SGCG: variants seen among roughly 807,000 people sequenced by gnomAD.
SGCG encodes gamma-sarcoglycan.
In SGCG, 26 loss-of-function variants were observed where a neutral mutation model predicts 29.3. That is an observed-to-expected ratio of 0.89 (90% CI 0.65 to 1.23). The LOEUF is 1.23. Among genes scored for constraint, SGCG ranks in the 50% most tolerant of loss-of-function variants. SGCG has a pLI of 0.00. For synonymous variants in SGCG, 145 were observed against 129.7 expected (o/e 1.12, Z -0.80); for missense variants, 353 against 356.0 (o/e 0.99, Z 0.07).
At chr13:23,161,854 TCAGA>T in the SGCG span, among the ~76,000 whole-genome samples, 6 of 152,366 alleles carry the variant, frequency 3.9e-5, no homozygotes, top group Admixed American at 1.3e-4. Flanking sequence ...TTTTGCTGAA[TCAGA>T]CAGACACAAT....
At chr13:23,278,756 G>A (rs1433755754) in intron 4 of SGCG, among the ~76,000 whole-genome samples, 1 of 152,184 alleles carries the variant, frequency 6.6e-6, no homozygotes, top group African/African-American at 2.4e-5. Context: ...CAGGTGAAGG[G>A]CATAACCTTG....
At chr13:23,249,326 C>G (rs1042900067) in intron 3 of SGCG, among the ~76,000 whole-genome samples, 1 of 152,084 alleles carries the variant, frequency 6.6e-6, no homozygotes, top group African/African-American at 2.4e-5. Flanking sequence ...CTCTCAAGGC[C>G]CATTAACAGG....
chr13:23,226,590 T>C (rs1272160495), intron 2 of SGCG, among the ~76,000 whole-genome samples: 2 of 152,164 alleles, frequency 1.3e-5, no homozygotes, highest in Admixed American at 6.5e-5. Flanking sequence ...GTTTGTAGAA[T>C]CAACAAGCTT....
At chr13:23,274,916 A>T (rs908487437) in intron 4 of SGCG, among the ~76,000 whole-genome samples, 1 of 152,054 alleles carries the variant, frequency 6.6e-6, no homozygotes, top group Non-Finnish European at 1.5e-5. Context: ...GAATACATGT[A>T]TAATAATTTG....
At chr13:23,209,886 T>C (rs1419758249) in intron 2 of SGCG, among the ~76,000 whole-genome samples, 1 of 152,228 alleles carries the variant, frequency 6.6e-6, no homozygotes. Context: ...ATTGGAAATT[T>C]GTTACACAGA....
chr13:23,272,685 A>T (rs1219023997), intron 4 of SGCG, among the ~76,000 whole-genome samples: 2 of 152,164 alleles, frequency 1.3e-5, no homozygotes, highest in Non-Finnish European at 2.9e-5. Flanking sequence ...TTTACAGAGC[A>T]TTGTGACTAT....
intron 6 of SGCG, among the ~76,000 whole-genome samples, chr13:23,296,002 T>A (rs1024648389): frequency 6.6e-6 from 1 of 152,008 alleles, no homozygotes; most frequent in African/African-American, 2.4e-5. Flanking sequence ...GGTGCCCCCC[T>A]CCCCGAGGAG....
intron 4 of SGCG, among the ~76,000 whole-genome samples, chr13:23,270,163 G>A (rs1474823152): frequency 2.0e-5 from 3 of 152,216 alleles, no homozygotes; most frequent in East Asian, 1.9e-4. Context: ...CGTGAGCCAC[G>A]TGCCCGGCTG....
chr13:23,232,128 A>G (rs1274772766), intron 2 of SGCG, among the ~76,000 whole-genome samples: 1 of 152,014 alleles, frequency 6.6e-6, no homozygotes, highest in South Asian at 2.1e-4. Context: ...AGAAAAAAAA[A>G]AAAAAAGCTC....
Position 23,222,078 on chromosome 13 carries a change from C to T in SGCG, c.196-12533C>T, listed in dbSNP as rs376808126. ...ATTAAGTTTAGCCTAAATCTGCCTC[C>T]TTGTAGTTTTGGCCTAGATGTTTCC... On this transcript the variant is annotated intron_variant, in intron 2 of 7. Transcript: ENST00000218867. Among the ~76,000 whole-genome samples, 506 of 152,288 alleles carry T rather than the reference C, an allele frequency of 3.3e-3. 2 individuals carry two copies. Among genetic ancestry groups the T allele is most frequent in the African/African-American group, 0.011 (477 of 41,538 alleles).
chr13:23,287,785 C>T (rs528946911), intron 5 of SGCG, among the ~76,000 whole-genome samples: 2 of 151,886 alleles, frequency 1.3e-5, no homozygotes, highest in African/African-American at 2.4e-5. Flanking sequence ...GAGACAGCGT[C>T]TTGCTCTGTG....
chr13:23,187,899 G>A (rs912627547), intron 1 of SGCG, among the ~76,000 whole-genome samples: 6 of 152,198 alleles, frequency 3.9e-5, no homozygotes, highest in African/African-American at 1.4e-4. Flanking sequence ...TGCTGCAGAT[G>A]GCATGGCCTG....
At chr13:23,219,338 C>T (rs561606956) in intron 2 of SGCG, among the ~76,000 whole-genome samples, 72 of 152,220 alleles carry the variant, frequency 4.7e-4, no homozygotes, top group Middle Eastern at 3.4e-3. Context: ...TGAGCCACCA[C>T]GCCCGGCCAT....
upstream of SGCG, among the ~76,000 whole-genome samples, chr13:23,179,599 G>T (rs895192522): frequency 3.3e-5 from 5 of 152,046 alleles, no homozygotes; most frequent in Admixed American, 3.3e-4. Context: ...AAAATTGATA[G>T]TTGTCCTATA....
chr13:23,165,670 G>A, the SGCG span, among the ~76,000 whole-genome samples: 6 of 151,988 alleles, frequency 3.9e-5, no homozygotes, highest in East Asian at 1.9e-4. Context: ...GATTACAGGC[G>A]CTTGCCACCA....
Position 23,295,409 on chromosome 13 carries a change from G to A in SGCG, c.506-6G>A, listed in dbSNP as rs1347438845. The stretch of plus-strand genomic sequence containing the variant: ...TGCTCCTGATACATCTTTGTTTTTT[G>A]TTTAGGGCCTGAAGGGGCTCTTTTT... On this transcript the variant is annotated splice_polypyrimidine_tract_variant and splice_region_variant and intron_variant, in intron 5 of 7. Transcript: ENST00000218867. The A allele has an allele frequency of 2.2e-5, 36 of 1,611,476 alleles. No homozygotes were observed. Among genetic ancestry groups the A allele is most frequent in the Non-Finnish European group, 3.0e-5 (35 of 1,177,814 alleles).
intron 2 of SGCG, among the ~76,000 whole-genome samples, chr13:23,233,633 T>G (rs1879190955): frequency 1.3e-5 from 2 of 152,188 alleles, no homozygotes; most frequent in African/African-American, 4.8e-5. Context: ...ACAAAGGTAC[T>G]TAATAGCACA....
At chr13:23,299,456 A>ATATATT (rs1882059808) in intron 6 of SGCG, among the ~76,000 whole-genome samples, 1 of 41,546 alleles carries the variant, frequency 2.4e-5, no homozygotes, top group African/African-American at 7.7e-5. Flanking sequence ...ATATATATAT[A>ATATATT]TTTTTTTTTT....
At chr13:23,248,742 C>T (rs1879833332) in intron 3 of SGCG, among the ~76,000 whole-genome samples, 1 of 150,732 alleles carries the variant, frequency 6.6e-6, no homozygotes, top group African/African-American at 2.4e-5. Context: ...CCTGTAATCC[C>T]AGCACTTTGG....
Sources: allele counts gnomAD v4.1 joint callset (sites outside exome capture counted in the v4.1 genomes callset), GRCh38; gene constraint gnomAD v4.1.1; transcripts MANE v1.5; gene names NCBI Gene and HGNC (gene_info 2026-07-23, HGNC 2026-07-21).